Variants in MAP2K7 observed in about 807,000 individuals in gnomAD.
The protein encoded by MAP2K7 is dual specificity mitogen-activated protein kinase kinase 7.
Under a neutral mutation model 47.7 loss-of-function variants are expected in MAP2K7, and 12 were observed. That is an observed-to-expected ratio of 0.25 (90% CI 0.16 to 0.41). MAP2K7 has a LOEUF of 0.41. Among genes scored for constraint, MAP2K7 ranks in the 10% least tolerant of loss-of-function variants. MAP2K7 has a pLI of 1.00. For synonymous variants in MAP2K7, 299 were observed against 243.0 expected (o/e 1.23, Z -2.14); for missense variants, 415 against 600.3 (o/e 0.69, Z 3.23).
Position 7,910,391 on chromosome 19 carries a change from C to G in MAP2K7, c.447+18C>G. On this transcript the variant is annotated intron_variant, in intron 4 of 10. Coordinates refer to ENST00000397979, the MANE Select transcript of MAP2K7 (RefSeq NM_145185.4). ...CCGTTAAGGTGAGCCTTGGCGGCTA[C>G]CCCGGCTGCGCCCCACACCCCAGGC... 6.2e-7 allele frequency: 1 copy of G among 1,607,402 alleles called. No homozygotes were observed.
intron 1 of MAP2K7, among the ~76,000 whole-genome samples, chr19:7,907,631 C>CGTT (rs1384302311): frequency 1.3e-5 from 2 of 152,202 alleles, no homozygotes; most frequent in Middle Eastern, 3.2e-3. Context: ...CCTACCTGAA[C>CGTT]CCTCCCTTCC....
Position 7,914,301 on chromosome 19 carries a change from C to T in MAP2K7, c.*1870C>T, listed in dbSNP as rs1474924320. 3 of 152,494 alleles carry T rather than the reference C, an allele frequency of 2.0e-5. No homozygotes were observed. Among genetic ancestry groups the T allele is most frequent in the Admixed American group, 1.3e-4 (2 of 15,288 alleles). 9.4% of individuals were successfully genotyped at this position (152,494 alleles called of 1,614,324 possible). The stretch of plus-strand genomic sequence containing the variant: ...CCTCCCCCCTCGTCACCAGCCATCC[C>T]TCTGGACCAGGCAGAGGGCGGACCG... On this transcript the variant is annotated 3_prime_UTR_variant, in exon 11 of 11. Coordinates refer to ENST00000397979, the MANE Select transcript of MAP2K7 (RefSeq NM_145185.4).
In MAP2K7 at chr19:7,912,491, C is replaced by T; in HGVS notation, c.*60C>T. The T allele has an allele frequency of 6.5e-7, 1 of 1,537,800 alleles. No individual in the cohort carries two copies. The highest frequency in any genetic ancestry group is 2.0e-5 in the Admixed American group (1 of 50,314). On this transcript the variant is annotated 3_prime_UTR_variant, in exon 11 of 11. Transcript: ENST00000397979. ...GGGCATGGCCACAGGCCCCCCTCCC[C>T]ACTTGGCCACCCAGCTGCCTGCCAG... is the stretch of plus-strand genomic sequence containing the variant.
chr19:7,912,024 A>G, intron 9 of MAP2K7, 125 bp from the exon 10 acceptor site: 9 of 849,624 alleles, frequency 1.1e-5, no homozygotes, highest in Non-Finnish European at 1.7e-5. Flanking sequence ...GAGGACATCC[A>G]CAGCTCCTTC....
Position 7,903,924 on chromosome 19 carries a change from G to A in MAP2K7, c.-21G>A, listed in dbSNP as rs774719728. The A allele has an allele frequency of 4.7e-6, 7 of 1,502,906 alleles. No individual in the cohort carries two copies. In the African/African-American group the frequency reaches 1.0e-4, roughly 22 times the overall value. 93.1% of individuals were successfully genotyped at this position (1,502,906 alleles called of 1,614,324 possible). ...CTGACGGGCGGCCGGGCGGTGCGCG[G>A]CGGCGGTGGCGGCGGGGAAGATGGC... is the stretch of plus-strand genomic sequence containing the variant. On this transcript the variant is annotated 5_prime_UTR_variant, in exon 1 of 11. Transcript: ENST00000397979.
At chr19:7,905,965 G>C in intron 1 of MAP2K7, 1 of 953,778 alleles carries the variant, frequency 1.0e-6, no homozygotes, top group Non-Finnish European at 1.7e-6. Context: ...GTGTCCCCAT[G>C]TCCCTTCCCC....
rs1260558906 is a variant in MAP2K7 at position 7,910,967 on chromosome 19, T to C, written c.676-13T>C. ...GCCCCCTGCCACATGCACCCCCCTC[T>C]GCGTGCCTGCAGATTGTGAAGGCGC... On this transcript the variant is annotated splice_polypyrimidine_tract_variant and intron_variant, in intron 6 of 10. Transcript: ENST00000397979. 1.2e-6 allele frequency: 2 copies of C among 1,602,746 alleles called. No homozygotes were observed. Among genetic ancestry groups the C allele is most frequent in the Non-Finnish European group, 1.7e-6 (2 of 1,171,994 alleles).
intron 1 of MAP2K7, 32 bp downstream of exon 1, chr19:7,904,100 C>T: frequency 6.5e-5 from 1 of 15,390 alleles, no homozygotes; most frequent in Non-Finnish European, 1.1e-4. Flanking sequence ...AGGGGGCGGG[C>T]GGGCGGGGCG....
chr19:7,910,727 G>A lies in MAP2K7; in HGVS notation c.599G>A (p.Gly200Asp). ...TDVFIAMELM[G>D]TCAEKLKKRM... is the part of the protein sequence containing the mutation. ...GTCTTCATCGCCATGGAGCTCATGGGCACCTGCGCTGAGAAGCTCAAGAAG... is the reference window on the plus strand; with the variant it reads ...GTCTTCATCGCCATGGAGCTCATGGACACCTGCGCTGAGAAGCTCAAGAAG... The change falls in exon 6 of 11, where the codon GGC (glycine) becomes GAC (aspartate). Residue 200 changes from glycine (G) to aspartate (D), a missense_variant. Around this residue, in one of 3 missense-constraint regions of MAP2K7, gnomAD observed 206 missense variants for 368.8 expected, o/e 0.56. Coordinates refer to ENST00000397979, the MANE Select transcript of MAP2K7 (RefSeq NM_145185.4). 6.2e-7 allele frequency: 1 copy of A among 1,611,426 alleles called. No individual in the cohort carries two copies. The highest frequency in any genetic ancestry group is 8.5e-7 in the Non-Finnish European group (1 of 1,179,170).
intron 7 of MAP2K7, 42 bp from the exon 8 acceptor site, chr19:7,911,208 G>T: frequency 6.2e-7 from 1 of 1,607,510 alleles, no homozygotes; most frequent in South Asian, 1.1e-5. Flanking sequence ...TGGGAGGCCG[G>T]CCCCAGCCTT....
chr19:7,907,386 T>C (rs751188542), intron 1 of MAP2K7, among the ~76,000 whole-genome samples: 5 of 152,164 alleles, frequency 3.3e-5, no homozygotes, highest in African/African-American at 7.2e-5. Flanking sequence ...GCCCCGGGTG[T>C]GTGTTGTGCG....
rs756988685 is a variant in MAP2K7, at chr19:7,903,907, C to T, written c.-38C>T. 15 of 1,448,632 alleles carry T rather than the reference C, an allele frequency of 1.0e-5. No individual in the cohort carries two copies. Among genetic ancestry groups the T allele is most frequent in the East Asian group, 8.7e-5 (3 of 34,614 alleles). 89.7% of individuals were successfully genotyped at this position (1,448,632 alleles called of 1,614,324 possible). On this transcript the variant is annotated 5_prime_UTR_variant, in exon 1 of 11. Coordinates refer to ENST00000397979, the MANE Select transcript of MAP2K7 (RefSeq NM_145185.4). ...GGTGTTTGTCTGCCGGACTGACGGG[C>T]GGCCGGGCGGTGCGCGGCGGCGGTG...
chr19:7,905,658 C>T, intron 1 of MAP2K7: 2 of 728,812 alleles, frequency 2.7e-6, no homozygotes, highest in Non-Finnish European at 5.0e-6. Context: ...TCCCCGCCCT[C>T]CCCATCTCTG....
intron 6 of MAP2K7, 74 bp downstream of exon 6, chr19:7,910,877 G>A: frequency 6.3e-7 from 1 of 1,589,072 alleles, no homozygotes; most frequent in Non-Finnish European, 8.6e-7. Flanking sequence ...CGTGCACTGG[G>A]CAAGATGACA....
intron 1 of MAP2K7, among the ~76,000 whole-genome samples, chr19:7,907,347 C>T (rs555867824): frequency 6.6e-5 from 10 of 152,276 alleles, no homozygotes; most frequent in South Asian, 2.1e-4. Flanking sequence ...GACTCTGTCC[C>T]GGCTGCATGG....
chr19:7,913,826 C>A lies in MAP2K7; in HGVS notation c.*1395C>A, dbSNP rs1983103367. The stretch of plus-strand genomic sequence containing the variant: ...CAAAGAAAATCCAACACCAAAGGCG[C>A]AGAAGCCGGCTGGCCGTGGTGGGGG... On this transcript the variant is annotated 3_prime_UTR_variant, in exon 11 of 11. Coordinates refer to ENST00000397979, the MANE Select transcript of MAP2K7 (RefSeq NM_145185.4). 6.6e-6 allele frequency: 1 copy of A among 152,496 alleles called. No homozygotes were observed. The allele number at this position is 152,496 out of a possible 1,614,324, so 9.4% of individuals were successfully genotyped here.
chr19:7,911,240 C>A lies in MAP2K7; in HGVS notation c.856-10C>A, dbSNP rs201487347. On this transcript the variant is annotated splice_polypyrimidine_tract_variant and intron_variant, in intron 7 of 10. Coordinates refer to ENST00000397979, the MANE Select transcript of MAP2K7 (RefSeq NM_145185.4). The stretch of plus-strand genomic sequence containing the variant: ...CCTTGGAGATACGTCTTCTCCTCCC[C>A]CCCCTGCAGCCCGAGCGCATTGACC... The A allele has an allele frequency of 3.2e-5, 51 of 1,609,176 alleles. No individual in the cohort carries two copies. Among genetic ancestry groups the A allele is most frequent in the African/African-American group, 1.1e-4 (8 of 74,780 alleles).
In MAP2K7 at chr19:7,913,083, G is replaced by T. The variant is rs868845870; in HGVS notation, c.*652G>T. The T allele has an allele frequency of 6.7e-6, 1 of 150,284 alleles. No homozygotes were observed. The highest frequency in any genetic ancestry group is 2.1e-4 in the South Asian group (1 of 4,684). 9.3% of individuals were successfully genotyped at this position (150,284 alleles called of 1,614,324 possible). On this transcript the variant is annotated 3_prime_UTR_variant, in exon 11 of 11. Transcript: ENST00000397979. ...CTCTCTCTCTCTTTGATCTCAGGGG[G>T]TCCTTTTTGGAGTTTATTGTATTTT...
chr19:7,908,559 A>T (rs1982609735), intron 1 of MAP2K7, among the ~76,000 whole-genome samples: 1 of 151,918 alleles, frequency 6.6e-6, no homozygotes. Flanking sequence ...AACTGTGGGG[A>T]GAAAAGGTGG....
Sources: allele counts gnomAD v4.1 joint callset (sites outside exome capture counted in the v4.1 genomes callset), GRCh38; gene constraint gnomAD v4.1.1; regional missense constraint gnomAD v4.1.1; transcripts MANE v1.5; gene names NCBI Gene and HGNC (gene_info 2026-07-23, HGNC 2026-07-21).